The following NKAIN3 variants were observed in gnomAD, a reference collection of about 807,000 sequenced individuals.
NKAIN3 encodes the protein sodium/potassium-transporting ATPase subunit beta-1-interacting protein 3.
Under a neutral mutation model 30.2 loss-of-function variants are expected in NKAIN3, and 25 were observed. The observed-to-expected ratio is 0.83, with a 90% CI of 0.60 to 1.16. The LOEUF is 1.16. Among genes scored for constraint, NKAIN3 ranks in the 50% most tolerant of loss-of-function variants. The pLI is 0.00. For missense variants in NKAIN3, 225 were observed against 254.1 expected (o/e 0.89, Z 0.78); for synonymous variants, 91 against 89.6 (o/e 1.02, Z -0.09).
chr8:62,942,493 C>A (rs1037503507), intron 5 of NKAIN3, among the ~76,000 whole-genome samples: 2 of 149,908 alleles, frequency 1.3e-5, no homozygotes, highest in African/African-American at 4.9e-5. Context: ...ATCACAATAC[C>A]ATCATCATTC....
At chr8:62,395,447 T>G (rs1198330884) in intron 1 of NKAIN3, among the ~76,000 whole-genome samples, 2 of 152,194 alleles carry the variant, frequency 1.3e-5, no homozygotes, top group African/African-American at 4.8e-5. Context: ...TTTGGTAATA[T>G]CTTTAAGGAT....
chr8:62,779,293 G>A (rs116623877), intron 4 of NKAIN3, among the ~76,000 whole-genome samples: 1,636 of 152,154 alleles, frequency 0.011, 31 homozygotes, highest in African/African-American at 0.036. Flanking sequence ...GCCCAGGAGC[G>A]CAGTCCTTAT....
intron 3 of NKAIN3, among the ~76,000 whole-genome samples, chr8:62,646,114 C>A (rs1197680813): frequency 2.1e-5 from 3 of 140,536 alleles, no homozygotes; most frequent in African/African-American, 2.7e-5. Flanking sequence ...GCCTAAAAAT[C>A]AAATGGCGTT....
intron 5 of NKAIN3, among the ~76,000 whole-genome samples, chr8:62,944,149 C>T (rs942989454): frequency 6.6e-6 from 1 of 152,048 alleles, no homozygotes; most frequent in Non-Finnish European, 1.5e-5. Flanking sequence ...TCTCCAAAAA[C>T]CCATTGAAAC....
Position 62,965,633 on chromosome 8 carries a change from A to AC in NKAIN3, c.*226_*227insC. 2 of 977,894 alleles carry AC rather than the reference A, an allele frequency of 2.0e-6. No individual in the cohort carries two copies. Among genetic ancestry groups the AC allele is most frequent in the Non-Finnish European group, 2.4e-6 (2 of 823,346 alleles). 60.6% of individuals were successfully genotyped at this position (977,894 alleles called of 1,614,324 possible). A position where few individuals can be genotyped will look rare whatever the true frequency, so the allele number is the denominator to read the frequency against. On this transcript the variant is annotated 3_prime_UTR_variant, in exon 7 of 7. Coordinates refer to ENST00000623646, the MANE Select transcript of NKAIN3 (RefSeq NM_001304533.3). ...ACTTGTAAGTTGTAAAAAAAAAAAA[A>AC]AAAGAAAAAACAGAATTTGGTTTTA...
intron 1 of NKAIN3, among the ~76,000 whole-genome samples, chr8:62,434,577 T>C (rs1805112562): frequency 6.6e-6 from 1 of 152,154 alleles, no homozygotes; most frequent in Non-Finnish European, 1.5e-5. Context: ...CTTTTTCTCT[T>C]CCAAGTATCT....
chr8:62,293,288 G>A (rs529425801), intron 1 of NKAIN3, among the ~76,000 whole-genome samples: 13 of 152,286 alleles, frequency 8.5e-5, no homozygotes, highest in South Asian at 4.1e-4. Flanking sequence ...GAGGAGCTGC[G>A]TTCCTTTGGA....
At chr8:62,642,787 G>A (rs1199565678) in intron 3 of NKAIN3, among the ~76,000 whole-genome samples, 1 of 151,978 alleles carries the variant, frequency 6.6e-6, no homozygotes, top group East Asian at 1.9e-4. Context: ...GCTTTATGTA[G>A]GCAGATTCCT....
intron 1 of NKAIN3, among the ~76,000 whole-genome samples, chr8:62,477,557 T>A (rs1806561575): frequency 6.6e-6 from 1 of 152,092 alleles, no homozygotes; most frequent in African/African-American, 2.4e-5. Context: ...CTTTTATATG[T>A]GCATATATGG....
chr8:62,517,406 G>A (rs771985636), intron 1 of NKAIN3, among the ~76,000 whole-genome samples: 2 of 152,098 alleles, frequency 1.3e-5, no homozygotes, highest in Non-Finnish European at 1.5e-5. Context: ...TTTTGGTAGT[G>A]ATACAAGTGC....
At position 62,554,146 on chromosome 8, in the gene NKAIN3, A is replaced by G. The variant is rs866471485; in HGVS notation, c.55-25393A>G. 1.3e-4 allele frequency among the ~76,000 whole-genome samples: 20 copies of G among 152,332 alleles called. No individual in the cohort carries two copies. In the South Asian group the frequency reaches 1.9e-3, roughly 14 times the overall value. On this transcript the variant is annotated intron_variant, in intron 1 of 6. Coordinates refer to ENST00000623646, the MANE Select transcript of NKAIN3 (RefSeq NM_001304533.3). ...TAATAGAGGCAATCTCTTACTTGAG[A>G]TTAGAAACATCTTTGGAACACTTAT... is the stretch of plus-strand genomic sequence containing the variant.
chr8:62,615,719 G>T (rs536362819), intron 3 of NKAIN3, among the ~76,000 whole-genome samples: 27 of 152,066 alleles, frequency 1.8e-4, no homozygotes, highest in Non-Finnish European at 3.8e-4. Flanking sequence ...GCATCAGCTG[G>T]GTTTGGTCTG....
chr8:62,358,052 A>G (rs892161540), intron 1 of NKAIN3, among the ~76,000 whole-genome samples: 2 of 152,152 alleles, frequency 1.3e-5, no homozygotes, highest in South Asian at 4.1e-4. Context: ...CATACCATAC[A>G]GATTCATATC....
At chr8:62,923,880 G>A (rs189175583) in intron 5 of NKAIN3, among the ~76,000 whole-genome samples, 5 of 152,284 alleles carry the variant, frequency 3.3e-5, no homozygotes, top group Admixed American at 3.3e-4. Context: ...ATAGGTTACT[G>A]AGACAGACTC....
chr8:62,345,942 CATT>C (rs1815991505), intron 1 of NKAIN3, among the ~76,000 whole-genome samples: 1 of 151,940 alleles, frequency 6.6e-6, no homozygotes, highest in Non-Finnish European at 1.5e-5. Flanking sequence ...AACTAGAGAA[CATT>C]ATGTAAGTGA....
At chr8:62,456,689 C>G (rs2129599193) in intron 1 of NKAIN3, among the ~76,000 whole-genome samples, 1 of 152,268 alleles carries the variant, frequency 6.6e-6, no homozygotes, top group South Asian at 2.1e-4. Context: ...GATACAGGAC[C>G]CAGCTGTTGC....
chr8:62,871,438 A>G lies in NKAIN3; in HGVS notation c.472-47015A>G, dbSNP rs188375997. Among the ~76,000 whole-genome samples, 1,411 of 151,936 alleles carry G rather than the reference A, an allele frequency of 9.3e-3. 24 individuals are homozygous for G. The highest frequency in any genetic ancestry group is 0.033 in the African/African-American group (1,369 of 41,430). On this transcript the variant is annotated intron_variant, in intron 4 of 6. Transcript: ENST00000623646. Reference sequence around the variant, plus strand: ...AAAAAACAAAAACAAACAAACAAACAATAAAAGCCATTCCCTCACATAGTT... The same window carrying G: ...AAAAAACAAAAACAAACAAACAAACGATAAAAGCCATTCCCTCACATAGTT...
chr8:62,395,793 C>T (rs1817736289), intron 1 of NKAIN3, among the ~76,000 whole-genome samples: 1 of 152,080 alleles, frequency 6.6e-6, no homozygotes, highest in Admixed American at 6.5e-5. Flanking sequence ...ATTAGATATA[C>T]ATATTAGAAG....
chr8:62,772,550 G>T (rs1817052260), intron 4 of NKAIN3, among the ~76,000 whole-genome samples: 2 of 152,014 alleles, frequency 1.3e-5, no homozygotes, highest in South Asian at 4.1e-4. Flanking sequence ...ATATCCCATT[G>T]TAGTTTTGAT....
Sources: gnomAD v4.1 joint callset for allele counts (sites outside exome capture counted in the v4.1 genomes callset) on GRCh38, gnomAD v4.1.1 for gene constraint, MANE v1.5 for transcripts, NCBI Gene and HGNC (gene_info 2026-07-23, HGNC 2026-07-21) for gene names.